Variants in AZIN1 observed in about 807,000 individuals in gnomAD.
The protein encoded by AZIN1 is ornithine decarboxylase antizyme inhibitor.
Under a neutral mutation model 47.4 loss-of-function variants are expected in AZIN1, and 12 were observed. The ratio of observed to expected loss-of-function variants is 0.25; its 90% CI spans 0.16 to 0.41. AZIN1 has a LOEUF of 0.41. Ranked by LOEUF, AZIN1 falls within the 10% of genes least tolerant of loss-of-function variation. The pLI is 1.00. For synonymous variants in AZIN1, 155 were observed against 176.3 expected, an observed-to-expected ratio of 0.88 and a Z score of 0.96; for missense variants, 410 against 532.4, an observed-to-expected ratio of 0.77 and a Z score of 2.26.
rs1026863366 is a variant in AZIN1 at position 102,843,777 on chromosome 8, G to C, written c.-95-30C>G. Reference sequence around the variant, plus strand: ...CAAAATATAAGTTATATAAAAGTCTGTATTATTTCAATAGACATAATGTAC... The same window carrying C: ...CAAAATATAAGTTATATAAAAGTCTCTATTATTTCAATAGACATAATGTAC... On this transcript the variant is annotated intron_variant, in intron 2 of 11. Coordinates refer to ENST00000337198, the MANE Select transcript of AZIN1 (RefSeq NM_148174.4). 3.4e-5 allele frequency: 47 copies of C among 1,395,136 alleles called. No homozygotes were observed. In the African/African-American group the frequency reaches 4.1e-4, roughly 12 times the overall value. 86.4% of individuals were successfully genotyped at this position (1,395,136 alleles called of 1,614,324 possible).
At chr8:102,836,213 C>A in intron 6 of AZIN1, 43 bp downstream of exon 6, 1 of 1,581,044 alleles carries the variant, frequency 6.3e-7, no homozygotes, top group South Asian at 1.1e-5. Flanking sequence ...AGGTTACCAC[C>A]ATAAAATGTT....
intron 2 of AZIN1, chr8:102,856,199 G>C (rs1444045159): frequency 6.6e-6 from 1 of 151,054 alleles, no homozygotes; most frequent in African/African-American, 2.4e-5. Context: ...AAGGGATTGT[G>C]GACCTGTAGC....
intron 2 of AZIN1, among the ~76,000 whole-genome samples, chr8:102,848,242 CAG>C (rs1438389238): frequency 6.9e-6 from 1 of 144,048 alleles, no homozygotes; most frequent in Non-Finnish European, 1.5e-5. Context: ...ACACATTTCT[CAG>C]AATCTATCTC....
chr8:102,830,034 TAAAA>T, intron 9 of AZIN1, 98 bp from the exon 10 acceptor site: 3 of 835,440 alleles, frequency 3.6e-6, no homozygotes, highest in Non-Finnish European at 5.8e-6. Context: ...TATTTAAACT[TAAAA>T]AGACACATAG....
intron 6 of AZIN1, 47 bp downstream of exon 6, chr8:102,836,208 AC>A: frequency 6.4e-7 from 1 of 1,566,876 alleles, no homozygotes; most frequent in African/African-American, 1.4e-5. Flanking sequence ...AAGACAGGTT[AC>A]CACCATAAAA....
chr8:102,847,231 T>C (rs1476056453), intron 2 of AZIN1, among the ~76,000 whole-genome samples: 2 of 152,028 alleles, frequency 1.3e-5, no homozygotes, highest in Non-Finnish European at 2.9e-5. Context: ...TTTCTTTCAT[T>C]ATACAGAGAA....
chr8:102,829,865 T>C lies in AZIN1; in HGVS notation c.976A>G (p.Ser326Gly). ...MNDGVYGSFA[S>G]KLSEDLNTIP... ...GTATTTAAGTCCTCAGACAGTTTAC[T>C]TGCAAAAGAACCATAAACACCATCA... The change falls in exon 10 of 12, where the codon AGT becomes GGT. Residue 326 changes from serine (S) to glycine (G), a missense_variant. Physicochemically the swap from Ser to Gly is moderately conservative, Grantham distance 56. Transcript: ENST00000337198. The C allele has an allele frequency of 6.2e-7, 1 of 1,613,508 alleles. No homozygotes were observed. The highest frequency in any genetic ancestry group is 8.5e-7 in the Non-Finnish European group (1 of 1,179,844).
At chr8:102,844,780 G>A (rs1283825548) in intron 2 of AZIN1, among the ~76,000 whole-genome samples, 2 of 152,128 alleles carry the variant, frequency 1.3e-5, no homozygotes, top group Admixed American at 1.3e-4. Context: ...TGTACATCCT[G>A]AGCCAGTTAC....
rs538910040 is a variant in AZIN1, at chr8:102,859,988, T to G, written c.-233-1838A>C. Among the ~76,000 whole-genome samples, 5 of 152,322 alleles carry G rather than the reference T, an allele frequency of 3.3e-5. No individual in the cohort carries two copies. The South Asian group carries it at 1.0e-3, about 32-fold the overall frequency. ...AGCAAGACCCAAAAGGTGCATAGGA[T>G]AAGCACTTCTTATAAACACATACAG... On this transcript the variant is annotated intron_variant, in intron 1 of 11. Transcript: ENST00000337198.
chr8:102,831,923 C>G (rs1462291673), intron 9 of AZIN1, among the ~76,000 whole-genome samples: 1 of 152,130 alleles, frequency 6.6e-6, no homozygotes, highest in Non-Finnish European at 1.5e-5. Flanking sequence ...CCACTGTACT[C>G]CAGCCTGGGC....
At chr8:102,862,455 G>A (rs564437077) in intron 1 of AZIN1, among the ~76,000 whole-genome samples, 12 of 152,222 alleles carry the variant, frequency 7.9e-5, no homozygotes, top group East Asian at 3.9e-4. Context: ...TATCACCACC[G>A]ATAATCATTT....
At chr8:102,849,152 G>A (rs1437982520) in intron 2 of AZIN1, among the ~76,000 whole-genome samples, 1 of 152,108 alleles carries the variant, frequency 6.6e-6, no homozygotes, top group Non-Finnish European at 1.5e-5. Flanking sequence ...AATTAGCTGG[G>A]TGTGGTGGTG....
chr8:102,847,599 C>T (rs1812649521), intron 2 of AZIN1, among the ~76,000 whole-genome samples: 1 of 150,588 alleles, frequency 6.6e-6, no homozygotes, highest in Non-Finnish European at 1.5e-5. Context: ...AAAGGTCTCA[C>T]TCTTGTCACC....
chr8:102,840,388 A>G (rs984257410), intron 3 of AZIN1, among the ~76,000 whole-genome samples: 2 of 152,182 alleles, frequency 1.3e-5, no homozygotes, highest in Non-Finnish European at 2.9e-5. Context: ...GTAGCAACAG[A>G]CTGGAGGGCA....
At chr8:102,858,676 C>T (rs770997330) in intron 1 of AZIN1, among the ~76,000 whole-genome samples, 1 of 152,132 alleles carries the variant, frequency 6.6e-6, no homozygotes, top group Non-Finnish European at 1.5e-5. Flanking sequence ...TATGACTTAG[C>T]TAATGCATTA....
chr8:102,854,328 C>T (rs1260672560), intron 2 of AZIN1: 1 of 151,488 alleles, frequency 6.6e-6, no homozygotes, highest in Non-Finnish European at 1.5e-5. Flanking sequence ...CAGCCAGGCG[C>T]GGTGGCTCAC....
chr8:102,836,701 A>C (rs1489986688), intron 5 of AZIN1, among the ~76,000 whole-genome samples: 1 of 152,220 alleles, frequency 6.6e-6, no homozygotes, highest in African/African-American at 2.4e-5. Flanking sequence ...CCATCAGTCC[A>C]TAAATCCACC....
At chr8:102,839,867 AT>A in intron 3 of AZIN1, 44 bp from the exon 4 acceptor site, 1 of 1,445,186 alleles carries the variant, frequency 6.9e-7, no homozygotes, top group Non-Finnish European at 9.4e-7. Flanking sequence ...ACAAAAAACC[AT>A]TGAAAATCAA....
intron 1 of AZIN1, among the ~76,000 whole-genome samples, chr8:102,862,306 T>C (rs1373386928): frequency 6.6e-6 from 1 of 152,154 alleles, no homozygotes; most frequent in African/African-American, 2.4e-5. Flanking sequence ...TCTCCAACTT[T>C]ACTTTGAAAT....
Sources: gnomAD v4.1 joint callset for allele counts (sites outside exome capture counted in the v4.1 genomes callset) on GRCh38, gnomAD v4.1.1 for gene constraint, MANE v1.5 for transcripts, NCBI Gene and HGNC (gene_info 2026-07-23, HGNC 2026-07-21) for gene names.